ZNHIT6: variants seen among roughly 807,000 people sequenced by gnomAD.
ZNHIT6 encodes box C/D snoRNA protein 1.
In ZNHIT6, 45 loss-of-function variants were observed where a neutral mutation model predicts 57.2. The observed-to-expected ratio is 0.79, with a 90% CI of 0.62 to 1.01. ZNHIT6 has a LOEUF of 1.01. Among genes scored for constraint, ZNHIT6 ranks in the 50% least tolerant of loss-of-function variants. The pLI, the probability that ZNHIT6 is intolerant of heterozygous loss-of-function variation, is 0.00. For missense variants in ZNHIT6, 528 were observed against 567.3 expected (o/e 0.93, Z 0.70); for synonymous variants, 188 against 190.0 (o/e 0.99, Z 0.09).
intron 5 of ZNHIT6, among the ~76,000 whole-genome samples, chr1:85,683,863 C>T (rs1006528657): frequency 5.4e-4 from 82 of 152,170 alleles, no homozygotes; most frequent in Middle Eastern, 6.8e-3. Context: ...GTCCTTTGCA[C>T]TGCAGGACGT....
At chr1:85,701,208 T>G (rs943400729) in intron 5 of ZNHIT6, among the ~76,000 whole-genome samples, 2 of 152,222 alleles carry the variant, frequency 1.3e-5, no homozygotes, top group African/African-American at 2.4e-5. Flanking sequence ...ATAATGATAA[T>G]TCTGATGGCT....
At chr1:85,688,099 T>C (rs1281770631) in intron 5 of ZNHIT6, among the ~76,000 whole-genome samples, 2 of 152,200 alleles carry the variant, frequency 1.3e-5, no homozygotes, top group African/African-American at 4.8e-5. Context: ...TAAACTGTTT[T>C]ACCAGAGAGC....
At chr1:85,686,607 C>T (rs148115000) in intron 5 of ZNHIT6, among the ~76,000 whole-genome samples, 6 of 152,008 alleles carry the variant, frequency 3.9e-5, no homozygotes, top group South Asian at 2.1e-4. Context: ...AGAACACTAA[C>T]GAGAGCTCAC....
chr1:85,658,101 T>C (rs1661112618), intron 8 of ZNHIT6, 130 bp from the exon 9 acceptor site: 2 of 559,712 alleles, frequency 3.6e-6, no homozygotes, highest in Non-Finnish European at 2.9e-6. Context: ...GTTACTTCCT[T>C]ATAGCATAGT....
rs184247872 is a variant in ZNHIT6 at position 85,649,808 on chromosome 1, A to T, written c.*4250T>A. Reference sequence around the variant, plus strand: ...GGTAATGGAAACATATGCTATGTGCATCTGCTCAAACTAGCAACAACATGA... The same window carrying T: ...GGTAATGGAAACATATGCTATGTGCTTCTGCTCAAACTAGCAACAACATGA... On this transcript the variant is annotated 3_prime_UTR_variant, in exon 10 of 10. Transcript: ENST00000370574. 1 of 152,158 alleles carries T rather than the reference A, an allele frequency of 6.6e-6. No individual in the cohort carries two copies. The highest frequency in any genetic ancestry group is 1.5e-5 in the Non-Finnish European group (1 of 68,032). 9.4% of individuals were successfully genotyped at this position (152,158 alleles called of 1,614,324 possible). A position where few individuals can be genotyped will look rare whatever the true frequency, so the allele number is the denominator to read the frequency against.
chr1:85,654,003 CAG>C lies in ZNHIT6; in HGVS notation c.*53_*54del, dbSNP rs1167708304. The C allele has an allele frequency of 5.5e-5, 83 of 1,507,614 alleles. No homozygotes were observed. Among genetic ancestry groups the C allele is most frequent in the African/African-American group, 8.3e-5 (6 of 72,664 alleles). The allele number at this position is 1,507,614 out of a possible 1,614,324, so 93.4% of individuals were successfully genotyped here. A position where few individuals can be genotyped will look rare whatever the true frequency, so the allele number is the denominator to read the frequency against. On this transcript the variant is annotated 3_prime_UTR_variant, in exon 10 of 10. Coordinates refer to ENST00000370574, the MANE Select transcript of ZNHIT6 (RefSeq NM_017953.4). ...CCAATCAGCCAACAGCCCATCAATG[CAG>C]AGTCTGCTGCAGTTGTCTGGAAGTT...
chr1:85,658,375 C>A (rs1448790165), intron 8 of ZNHIT6, among the ~76,000 whole-genome samples: 1 of 151,924 alleles, frequency 6.6e-6, no homozygotes, highest in East Asian at 1.9e-4. Flanking sequence ...ACTATAGGTG[C>A]GTGCCACCAT....
rs1041765260 is a variant in ZNHIT6 at position 85,688,573 on chromosome 1, C to T, written c.1020-7669G>A. ...TTCCCTACCTCTCACCACCATCCTT[C>T]GTAATCCATAACCATACCTTAATGA... On this transcript the variant is annotated intron_variant, in intron 5 of 9. Transcript: ENST00000370574. Among the ~76,000 whole-genome samples, 4 of 152,194 alleles carry T rather than the reference C, an allele frequency of 2.6e-5. No homozygotes were observed. In the South Asian group the frequency reaches 6.2e-4, roughly 24 times the overall value.
At position 85,657,956 on chromosome 1, in the gene ZNHIT6, A is replaced by G; in HGVS notation, c.1263T>C (p.Asp421=). ...AATTGTCTAGGAGACTTTTATAAGG[A>G]TCTAGTTCATAATATCTTATTAATA... is the stretch of plus-strand genomic sequence containing the variant. ...QQNLVRYYEL[D]PYKSLLDNLR... is the part of the protein sequence containing the mutation. Residue 421 remains aspartate (D), a synonymous_variant, in exon 9 of 10, where the codon GAT becomes GAC. Coordinates refer to ENST00000370574, the MANE Select transcript of ZNHIT6 (RefSeq NM_017953.4). 6.6e-7 allele frequency: 1 copy of G among 1,522,286 alleles called. No individual in the cohort carries two copies. The highest frequency in any genetic ancestry group is 9.0e-7 in the Non-Finnish European group (1 of 1,114,646). 94.3% of individuals were successfully genotyped at this position (1,522,286 alleles called of 1,614,324 possible). A position where few individuals can be genotyped will look rare whatever the true frequency, so the allele number is the denominator to read the frequency against.
At chr1:85,705,058 G>A (rs937661063) in intron 4 of ZNHIT6, among the ~76,000 whole-genome samples, 3 of 152,128 alleles carry the variant, frequency 2.0e-5, no homozygotes, top group African/African-American at 7.2e-5. Flanking sequence ...AAGGATCATG[G>A]GAAGAGCTGC....
intron 8 of ZNHIT6, among the ~76,000 whole-genome samples, chr1:85,658,752 T>C (rs1405982518): frequency 6.6e-6 from 1 of 151,824 alleles, no homozygotes. Context: ...ATGCCTGTAA[T>C]CACAGCTACT....
At chr1:85,685,995 T>C (rs1237911563) in intron 5 of ZNHIT6, among the ~76,000 whole-genome samples, 1 of 151,592 alleles carries the variant, frequency 6.6e-6, no homozygotes, top group Non-Finnish European at 1.5e-5. Flanking sequence ...GGAGTCTCGC[T>C]CTGTCGCCCA....
At chr1:85,657,319 T>C (rs1050862104) in intron 9 of ZNHIT6, among the ~76,000 whole-genome samples, 1 of 151,476 alleles carries the variant, frequency 6.6e-6, no homozygotes, top group Non-Finnish European at 1.5e-5. Context: ...AGATAAAGGG[T>C]AAAGGCAATG....
chr1:85,681,583 T>C (rs1234615483), intron 5 of ZNHIT6, among the ~76,000 whole-genome samples: 1 of 152,234 alleles, frequency 6.6e-6, no homozygotes, highest in African/African-American at 2.4e-5. Context: ...TTTTACACAA[T>C]GTTTTCCTTA....
chr1:85,682,170 C>A (rs1254999109), intron 5 of ZNHIT6, among the ~76,000 whole-genome samples: 5 of 142,342 alleles, frequency 3.5e-5, no homozygotes, highest in Admixed American at 2.9e-4. Flanking sequence ...CGCCACCACG[C>A]CCGGCTAATT....
intron 8 of ZNHIT6, among the ~76,000 whole-genome samples, chr1:85,667,943 C>T (rs1166797878): frequency 3.7e-4 from 1 of 2,688 alleles, no homozygotes; most frequent in East Asian, 9.4e-3. Context: ...CTCACTCTCT[C>T]TTTCAAAAAA....
At chr1:85,681,469 T>C (rs1218250443) in intron 5 of ZNHIT6, among the ~76,000 whole-genome samples, 1 of 152,224 alleles carries the variant, frequency 6.6e-6, no homozygotes, top group Non-Finnish European at 1.5e-5. Context: ...CTATATTTAA[T>C]ATATCTAAAT....
At chr1:85,694,261 C>T (rs1304645413) in intron 5 of ZNHIT6, among the ~76,000 whole-genome samples, 1 of 152,060 alleles carries the variant, frequency 6.6e-6, no homozygotes, top group Non-Finnish European at 1.5e-5. Flanking sequence ...AACTACGGAA[C>T]TCTAGTTAAC....
Position 85,706,432 on chromosome 1 carries a change from AC to A in ZNHIT6, c.722+9del, listed in dbSNP as rs1557879541. ...GATACAGGTTAAAAGGTAGGAAGTTACATGTATACCTGCAGGAATATCGCAT... is the reference window on the plus strand; with the variant it reads ...GATACAGGTTAAAAGGTAGGAAGTTAATGTATACCTGCAGGAATATCGCAT... On this transcript the variant is annotated intron_variant, in intron 2 of 9. Transcript: ENST00000370574. 6.2e-7 allele frequency: 1 copy of A among 1,613,312 alleles called. No individual in the cohort carries two copies. Among genetic ancestry groups the A allele is most frequent in the South Asian group, 1.1e-5 (1 of 90,928 alleles).
Sources: allele counts gnomAD v4.1 joint callset (sites outside exome capture counted in the v4.1 genomes callset), GRCh38; gene constraint gnomAD v4.1.1; transcripts MANE v1.5; gene names NCBI Gene and HGNC (gene_info 2026-07-23, HGNC 2026-07-21).